The following BMPER variants were observed in gnomAD, a reference collection of about 807,000 sequenced individuals.
The protein encoded by BMPER is BMP binding endothelial regulator, also known as BMP-binding endothelial regulator protein.
BMPER carries 45 observed loss-of-function variants against 87.3 expected under a neutral mutation model. The observed-to-expected ratio is 0.52, with a 90% CI of 0.41 to 0.66. The LOEUF (loss-of-function observed/expected upper bound fraction) is 0.66. BMPER is among the 30% of genes least tolerant of loss of function. The pLI is 0.00. For missense variants in BMPER, 784 were observed against 867.5 expected (o/e 0.90, Z 1.21); for synonymous variants, 326 against 316.2 (o/e 1.03, Z -0.33).
chr7:33,932,264 C>T (rs1022390385), intron 2 of BMPER, among the ~76,000 whole-genome samples: 1 of 152,190 alleles, frequency 6.6e-6, no homozygotes, highest in African/African-American at 2.4e-5. Context: ...ACAAAGACTA[C>T]CGGGATGGAA....
At chr7:34,061,453 A>T (rs937543301) in intron 10 of BMPER, among the ~76,000 whole-genome samples, 2 of 152,238 alleles carry the variant, frequency 1.3e-5, no homozygotes. Flanking sequence ...TTCAACATGG[A>T]TAACATACCA....
At chr7:34,008,232 G>A (rs1786786834) in intron 6 of BMPER, among the ~76,000 whole-genome samples, 1 of 151,712 alleles carries the variant, frequency 6.6e-6, no homozygotes, top group African/African-American at 2.4e-5. Flanking sequence ...TTCTCTACTG[G>A]GTTGTTGGTC....
At chr7:33,920,070 G>T (rs1784181923) in intron 2 of BMPER, among the ~76,000 whole-genome samples, 1 of 152,170 alleles carries the variant, frequency 6.6e-6, no homozygotes, top group South Asian at 2.1e-4. Context: ...GTGTATGTGT[G>T]CTGGGGGCCC....
Position 34,153,401 on chromosome 7 carries a change from T to C in BMPER, c.*128T>C, listed in dbSNP as rs1791235426. The C allele has an allele frequency of 2.4e-6, 2 of 834,460 alleles. No homozygotes were observed. The highest frequency in any genetic ancestry group is 3.9e-6 in the Non-Finnish European group (2 of 515,088). The allele number at this position is 834,460 out of a possible 1,614,324, so 51.7% of individuals were successfully genotyped here. ...CACACACACAGAGTATATATGTGTA[T>C]ATATATATAGATATATTCAAAAACA... On this transcript the variant is annotated 3_prime_UTR_variant, in exon 15 of 15. Coordinates refer to ENST00000649409, the MANE Select transcript of BMPER (RefSeq NM_001365308.1).
At chr7:33,988,748 G>A (rs1425346324) in intron 6 of BMPER, among the ~76,000 whole-genome samples, 19 of 143,780 alleles carry the variant, frequency 1.3e-4, no homozygotes, top group Non-Finnish European at 2.8e-4. Context: ...TATATCTCCC[G>A]ATGCTATCCC....
chr7:34,035,953 T>C lies in BMPER; in HGVS notation c.577-10353T>C, dbSNP rs151154083. 2.7e-3 allele frequency among the ~76,000 whole-genome samples: 406 copies of C among 152,340 alleles called. 4 individuals carry two copies. The highest frequency in any genetic ancestry group is 9.4e-3 in the African/African-American group (391 of 41,578). On this transcript the variant is annotated intron_variant, in intron 6 of 14. Transcript: ENST00000649409. ...TTCTGTCTCTGCAGTTCCGTATTTGTAGAAGTCTTGAGCAGTCAAAGGCCT... is the reference window on the plus strand; with the variant it reads ...TTCTGTCTCTGCAGTTCCGTATTTGCAGAAGTCTTGAGCAGTCAAAGGCCT...
intron 6 of BMPER, among the ~76,000 whole-genome samples, chr7:34,014,381 A>G (rs1268688689): frequency 6.6e-6 from 1 of 151,944 alleles, no homozygotes; most frequent in Non-Finnish European, 1.5e-5. Context: ...AATGCATACT[A>G]AGGCATTAAT....
At chr7:33,914,651 T>C (rs1784046919) in intron 2 of BMPER, among the ~76,000 whole-genome samples, 1 of 152,144 alleles carries the variant, frequency 6.6e-6, no homozygotes, top group Non-Finnish European at 1.5e-5. Context: ...AGAAATAAAC[T>C]TCAAAACTTT....
At chr7:33,907,596 ATAAG>A (rs1783855028) in intron 2 of BMPER, among the ~76,000 whole-genome samples, 1 of 152,242 alleles carries the variant, frequency 6.6e-6, no homozygotes, top group Non-Finnish European at 1.5e-5. Flanking sequence ...GATAAGTCTA[ATAAG>A]TAACCACTTG....
intron 6 of BMPER, among the ~76,000 whole-genome samples, chr7:34,015,030 A>G (rs1198493865): frequency 1.3e-5 from 2 of 151,950 alleles, no homozygotes; most frequent in Non-Finnish European, 2.9e-5. Context: ...TTGTGATTTC[A>G]TAATAAAGAG....
intron 11 of BMPER, among the ~76,000 whole-genome samples, chr7:34,064,093 C>T (rs1285801403): frequency 6.6e-6 from 1 of 152,164 alleles, no homozygotes; most frequent in African/African-American, 2.4e-5. Context: ...GAGTTTGAGA[C>T]CAGCCTGACC....
chr7:33,951,898 G>A (rs1785035154), intron 3 of BMPER, among the ~76,000 whole-genome samples: 2 of 152,172 alleles, frequency 1.3e-5, no homozygotes, highest in Admixed American at 1.3e-4. Context: ...TGGATAAATA[G>A]GGATGAAAAA....
chr7:34,055,447 T>TAC, intron 9 of BMPER, 144 bp downstream of exon 9: 5 of 1,029,424 alleles, frequency 4.9e-6, no homozygotes, highest in Middle Eastern at 6.2e-4. Flanking sequence ...ATAGAATGTA[T>TAC]TTATATTACA....
At chr7:34,103,133 G>A (rs116768235) in intron 13 of BMPER, among the ~76,000 whole-genome samples, 2,523 of 152,272 alleles carry the variant, frequency 0.017, 64 homozygotes, top group African/African-American at 0.056. Flanking sequence ...TGGGATGGGG[G>A]CTGGATTTTA....
At chr7:33,998,025 C>T (rs1021600339) in intron 6 of BMPER, among the ~76,000 whole-genome samples, 2 of 152,182 alleles carry the variant, frequency 1.3e-5, no homozygotes, top group Non-Finnish European at 2.9e-5. Flanking sequence ...TTTCCCTGCC[C>T]TGGTAGAATA....
At chr7:33,993,725 C>G (rs1248489292) in intron 6 of BMPER, among the ~76,000 whole-genome samples, 4 of 152,136 alleles carry the variant, frequency 2.6e-5, no homozygotes, top group Non-Finnish European at 5.9e-5. Context: ...TTTTTCTGTT[C>G]TGTTTTTTTC....
intron 12 of BMPER, among the ~76,000 whole-genome samples, chr7:34,079,392 C>T (rs1788953750): frequency 6.6e-6 from 1 of 152,224 alleles, no homozygotes; most frequent in African/African-American, 2.4e-5. Context: ...TGGAGACATT[C>T]GGACCGTATG....
intron 6 of BMPER, among the ~76,000 whole-genome samples, chr7:34,005,507 G>T (rs1323370258): frequency 6.6e-6 from 1 of 151,858 alleles, no homozygotes; most frequent in Non-Finnish European, 1.5e-5. Flanking sequence ...GAGTGCAATG[G>T]TGGGATCATA....
intron 2 of BMPER, among the ~76,000 whole-genome samples, chr7:33,920,292 C>T (rs1220656367): frequency 6.6e-6 from 1 of 151,962 alleles, no homozygotes; most frequent in Non-Finnish European, 1.5e-5. Context: ...AGTGGTGGCT[C>T]TCAGATTTTA....
Sources: allele counts gnomAD v4.1 joint callset (sites outside exome capture counted in the v4.1 genomes callset), GRCh38; gene constraint gnomAD v4.1.1; transcripts MANE v1.5; gene names NCBI Gene and HGNC (gene_info 2026-07-23, HGNC 2026-07-21).